Variants in IL18RAP observed in about 807,000 individuals in gnomAD.
IL18RAP encodes interleukin 18 receptor accessory protein.
IL18RAP carries 37 observed loss-of-function variants against 58.1 expected under a neutral mutation model. The observed-to-expected ratio is 0.64, with a 90% CI of 0.49 to 0.84. The LOEUF (loss-of-function observed/expected upper bound fraction) is 0.84, where lower values mean the gene tolerates loss of function less well. Among genes scored for constraint, IL18RAP ranks in the 40% least tolerant of loss-of-function variants. The probability of loss-of-function intolerance (pLI) is 0.00; values close to 1 mark genes in which losing one functional copy is unlikely to be tolerated. For synonymous variants in IL18RAP, 268 were observed against 257.5 expected (o/e 1.04, Z -0.39); for missense variants, 667 against 704.8 (o/e 0.95, Z 0.61).
In IL18RAP at chr2:102,423,260, C is replaced by A. The variant is rs751698766; in HGVS notation, c.-18C>A. On this transcript the variant is annotated 5_prime_UTR_variant, in exon 1 of 10. Coordinates refer to ENST00000687160, the MANE Select transcript of IL18RAP (RefSeq NM_001393487.1). ...AGGAATGAAGTTATTGGAGTGATGA[C>A]AGGAACACGGGAGAACAATGCTCTG... The A allele has an allele frequency of 1.2e-6, 2 of 1,613,038 alleles. No individual in the cohort carries two copies. Among genetic ancestry groups the A allele is most frequent in the African/African-American group, 2.7e-5 (2 of 74,890 alleles).
chr2:102,422,323 G>C (rs542876008), upstream of IL18RAP, among the ~76,000 whole-genome samples: 4 of 152,308 alleles, frequency 2.6e-5, no homozygotes, highest in East Asian at 7.7e-4. Flanking sequence ...TTCCTTTTAG[G>C]TTTGTCATTC....
chr2:102,437,502 C>A (rs1682828089), intron 4 of IL18RAP, 140 bp downstream of exon 4: 4 of 730,010 alleles, frequency 5.5e-6, no homozygotes, highest in African/African-American at 1.8e-5. Flanking sequence ...TTCATGTGGG[C>A]AAACATCAAA....
chr2:102,423,369 G>T (rs1042920560), intron 1 of IL18RAP, 22 bp downstream of exon 1: 5 of 1,592,796 alleles, frequency 3.1e-6, no homozygotes, highest in Non-Finnish European at 4.3e-6. Flanking sequence ...CACTTTTCAT[G>T]TTAGCACTGT....
intron 8 of IL18RAP, 104 bp downstream of exon 8, chr2:102,447,311 G>C: frequency 7.6e-7 from 1 of 1,320,954 alleles, no homozygotes; most frequent in Non-Finnish European, 1.0e-6. Flanking sequence ...TGTTTCCTCA[G>C]AGTTACCTTA....
chr2:102,440,215 G>A (rs991076559), intron 4 of IL18RAP: 6 of 152,514 alleles, frequency 3.9e-5, no homozygotes, highest in Admixed American at 2.6e-4. Context: ...AAGAGACACA[G>A]AGGAAGGGAC....
intron 4 of IL18RAP, chr2:102,438,706 A>T (rs1682908839): frequency 6.6e-6 from 1 of 152,170 alleles, no homozygotes; most frequent in Admixed American, 6.5e-5. Context: ...TCCTCATTTA[A>T]TCATTCATTC....
intron 7 of IL18RAP, among the ~76,000 whole-genome samples, chr2:102,445,605 C>A (rs966573890): frequency 6.6e-6 from 1 of 152,226 alleles, no homozygotes; most frequent in Non-Finnish European, 1.5e-5. Flanking sequence ...CTCATTCATG[C>A]ACTCATTCAT....
intron 3 of IL18RAP, among the ~76,000 whole-genome samples, chr2:102,430,406 G>A (rs1179594459): frequency 1.3e-5 from 2 of 151,880 alleles, no homozygotes; most frequent in African/African-American, 4.8e-5. Flanking sequence ...GGTTTGTATG[G>A]AATATCTTTG....
chr2:102,447,292 C>G, intron 8 of IL18RAP, 85 bp downstream of exon 8: 1 of 1,455,562 alleles, frequency 6.9e-7, no homozygotes, highest in Non-Finnish European at 9.4e-7. Flanking sequence ...CATCACTACC[C>G]CTTGGCTTTG....
chr2:102,448,324 A>G (rs981725017), intron 8 of IL18RAP, among the ~76,000 whole-genome samples: 3 of 152,200 alleles, frequency 2.0e-5, no homozygotes, highest in African/African-American at 7.2e-5. Flanking sequence ...AGACGGTGGG[A>G]ATGCCCCCAA....
intron 8 of IL18RAP, among the ~76,000 whole-genome samples, chr2:102,447,413 C>T (rs1683494039): frequency 6.6e-6 from 1 of 152,204 alleles, no homozygotes; most frequent in Non-Finnish European, 1.5e-5. Flanking sequence ...AGTCATGCCC[C>T]TGAGGTTTTG....
At chr2:102,442,872 T>A (rs1683189550) in intron 5 of IL18RAP, among the ~76,000 whole-genome samples, 1 of 152,234 alleles carries the variant, frequency 6.6e-6, no homozygotes, top group Non-Finnish European at 1.5e-5. Context: ...ACCGGGCTGA[T>A]CTCAGAAACT....
chr2:102,433,362 A>G (rs1194093102), intron 3 of IL18RAP, among the ~76,000 whole-genome samples: 1 of 152,198 alleles, frequency 6.6e-6, no homozygotes, highest in Non-Finnish European at 1.5e-5. Flanking sequence ...AGTTGGGACT[A>G]CAGGCACATA....
chr2:102,432,170 T>G (rs1219007369), intron 3 of IL18RAP: 1 of 152,186 alleles, frequency 6.6e-6, no homozygotes, highest in Non-Finnish European at 1.5e-5. Flanking sequence ...TTGAGTTCTC[T>G]AGGTGGGCTT....
At chr2:102,428,853 T>C (rs1682145487) in intron 3 of IL18RAP, among the ~76,000 whole-genome samples, 1 of 151,984 alleles carries the variant, frequency 6.6e-6, no homozygotes, top group Admixed American at 6.6e-5. Context: ...TATATGGCCT[T>C]TATTGTATTG....
intron 4 of IL18RAP, among the ~76,000 whole-genome samples, chr2:102,440,839 G>A (rs1683060754): frequency 6.6e-6 from 1 of 152,108 alleles, no homozygotes; most frequent in Non-Finnish European, 1.5e-5. Context: ...AGAAGTTGAT[G>A]GATAAAATTG....
Position 102,432,693 on chromosome 2 carries a change from T to C in IL18RAP, c.580-4519T>C, listed in dbSNP as rs558327629. Among the ~76,000 whole-genome samples, 86 of 152,306 alleles carry C rather than the reference T, an allele frequency of 5.6e-4. 1 individual carries two copies. The highest frequency in any genetic ancestry group is 2.0e-3 in the African/African-American group (85 of 41,574). On this transcript the variant is annotated intron_variant, in intron 3 of 9. Transcript: ENST00000687160. ...GGACCTGGGTGGGGCCAGCTGCTCC[T>C]TCTGCAGATAACTGCTGACCTGCCT...
chr2:102,425,019 G>T (rs1453691742), intron 3 of IL18RAP, among the ~76,000 whole-genome samples: 6 of 152,152 alleles, frequency 3.9e-5, no homozygotes, highest in Non-Finnish European at 8.8e-5. Flanking sequence ...AGCACTTCAT[G>T]TTTCCATCGT....
intron 7 of IL18RAP, among the ~76,000 whole-genome samples, chr2:102,446,425 G>C (rs371981926): frequency 6.6e-6 from 1 of 152,014 alleles, no homozygotes; most frequent in Non-Finnish European, 1.5e-5. Context: ...CACTACACCC[G>C]TTGTGTCGTC....
Sources: gnomAD v4.1 joint callset for allele counts (sites outside exome capture counted in the v4.1 genomes callset) on GRCh38, gnomAD v4.1.1 for gene constraint, MANE v1.5 for transcripts, NCBI Gene and HGNC (gene_info 2026-07-23, HGNC 2026-07-21) for gene names.